Variants in GDAP2 observed in about 807,000 individuals in gnomAD.
GDAP2 encodes ganglioside induced differentiation associated protein 2.
GDAP2 carries 51 observed loss-of-function variants against 67.0 expected under a neutral mutation model. The observed-to-expected ratio is 0.76, with a 90% CI of 0.61 to 0.96. The LOEUF is 0.96. Ranked by LOEUF, GDAP2 falls within the 40% of genes least tolerant of loss-of-function variation. The pLI is 0.00. For synonymous variants in GDAP2, 203 were observed against 207.3 expected (o/e 0.98, Z 0.18); for missense variants, 547 against 588.3 (o/e 0.93, Z 0.73).
In GDAP2 at chr1:117,867,176, T is replaced by C. The variant is rs1352973238; in HGVS notation, c.*3393A>G. ...ATAAAGACAAGACTAAACCTACAGT[T>C]TGAATTCATTAAACAATATCCAAGC... On this transcript the variant is annotated 3_prime_UTR_variant, in exon 14 of 14. Transcript: ENST00000369443. 2.0e-5 allele frequency: 3 copies of C among 152,128 alleles called. No homozygotes were observed. The highest frequency in any genetic ancestry group is 7.2e-5 in the African/African-American group (3 of 41,420). The allele number at this position is 152,128 out of a possible 1,614,324, so 9.4% of individuals were successfully genotyped here.
intron 7 of GDAP2, among the ~76,000 whole-genome samples, chr1:117,898,110 G>A (rs1489033384): frequency 6.6e-6 from 1 of 152,122 alleles, no homozygotes; most frequent in Non-Finnish European, 1.5e-5. Flanking sequence ...AAATTAATTA[G>A]TCTTATCTAC....
chr1:117,904,431 G>GCAA (rs1281256960), intron 6 of GDAP2, among the ~76,000 whole-genome samples: 2 of 152,140 alleles, frequency 1.3e-5, no homozygotes, highest in Non-Finnish European at 2.9e-5. Context: ...TTATGTTTGT[G>GCAA]CAACAGTATT....
chr1:117,873,099 T>A (rs1476916603), intron 13 of GDAP2, among the ~76,000 whole-genome samples: 1 of 152,208 alleles, frequency 6.6e-6, no homozygotes, highest in Non-Finnish European at 1.5e-5. Flanking sequence ...CTTAATGCCA[T>A]GAAATAGAAT....
chr1:117,880,313 A>G (rs1345602943), intron 12 of GDAP2, among the ~76,000 whole-genome samples: 2 of 152,186 alleles, frequency 1.3e-5, no homozygotes, highest in Non-Finnish European at 2.9e-5. Context: ...AGGAGAAGTG[A>G]TCAACTGTGT....
intron 8 of GDAP2, among the ~76,000 whole-genome samples, chr1:117,890,198 G>A (rs1431379836): frequency 6.6e-6 from 1 of 152,068 alleles, no homozygotes; most frequent in Admixed American, 6.6e-5. Flanking sequence ...GAGGTGGGGT[G>A]AGAAGGAGCA....
chr1:117,883,841 T>C (rs1485171392), intron 10 of GDAP2, among the ~76,000 whole-genome samples: 3 of 152,162 alleles, frequency 2.0e-5, no homozygotes, highest in Non-Finnish European at 4.4e-5. Context: ...TTCTCATAAG[T>C]GCTACAGTAC....
At chr1:117,904,388 C>G (rs1056348785) in intron 6 of GDAP2, among the ~76,000 whole-genome samples, 1 of 152,204 alleles carries the variant, frequency 6.6e-6, no homozygotes, top group Non-Finnish European at 1.5e-5. Context: ...TCTCATTTTA[C>G]TAAGAGGATG....
chr1:117,899,303 A>T, intron 6 of GDAP2, 87 bp from the exon 7 acceptor site: 1 of 840,848 alleles, frequency 1.2e-6, no homozygotes, highest in Non-Finnish European at 2.0e-6. Context: ...ATACACTGTG[A>T]AGACAACCTC....
intron 10 of GDAP2, among the ~76,000 whole-genome samples, chr1:117,884,842 G>GTGTA (rs1648792875): frequency 6.6e-6 from 1 of 150,834 alleles, no homozygotes; most frequent in Non-Finnish European, 1.5e-5. Flanking sequence ...GTGTGTGTGT[G>GTGTA]TGTTCTGTTT....
intron 8 of GDAP2, among the ~76,000 whole-genome samples, chr1:117,894,809 C>T (rs1466032631): frequency 2.0e-5 from 3 of 152,096 alleles, no homozygotes; most frequent in African/African-American, 7.2e-5. Flanking sequence ...AAATAATCAA[C>T]AGTATTTGTT....
In GDAP2 at chr1:117,868,196, T is replaced by TCAAGGTC. The variant is rs1648139629; in HGVS notation, c.*2372_*2373insGACCTTG. The TCAAGGTC allele has an allele frequency of 6.6e-6, 1 of 152,224 alleles. No homozygotes were observed. The highest frequency in any genetic ancestry group is 6.5e-5 in the Admixed American group (1 of 15,284). 9.4% of individuals were successfully genotyped at this position (152,224 alleles called of 1,614,324 possible). The stretch of plus-strand genomic sequence containing the variant: ...AATCATTTCAATATCAAGGTCATTA[T>TCAAGGTC]ATTTCTCCTCTAGGATTTGGTACTT... On this transcript the variant is annotated 3_prime_UTR_variant, in exon 14 of 14. Transcript: ENST00000369443.
chr1:117,919,004 A>G (rs1273101900), intron 2 of GDAP2, among the ~76,000 whole-genome samples: 1 of 152,244 alleles, frequency 6.6e-6, no homozygotes, highest in African/African-American at 2.4e-5. Context: ...GAGTGGAAAC[A>G]ATCCAAATAT....
At chr1:117,879,469 GATA>G (rs1356389843) in intron 12 of GDAP2, among the ~76,000 whole-genome samples, 1 of 152,022 alleles carries the variant, frequency 6.6e-6, no homozygotes, top group Non-Finnish European at 1.5e-5. Context: ...GCCTAAGAAT[GATA>G]ATGATGATGA....
At chr1:117,917,620 C>T (rs1650095751) in intron 3 of GDAP2, among the ~76,000 whole-genome samples, 1 of 152,172 alleles carries the variant, frequency 6.6e-6, no homozygotes, top group Non-Finnish European at 1.5e-5. Context: ...AGTCTTAAGT[C>T]ACACAGTTAT....
intron 3 of GDAP2, among the ~76,000 whole-genome samples, chr1:117,915,422 T>C (rs2101159362): frequency 6.6e-6 from 1 of 152,268 alleles, no homozygotes; most frequent in South Asian, 2.1e-4. Context: ...AGATGCAATG[T>C]CTGGTCCTGG....
intron 8 of GDAP2, among the ~76,000 whole-genome samples, chr1:117,890,263 C>G (rs760694397): frequency 4.6e-5 from 7 of 151,954 alleles, no homozygotes; most frequent in Non-Finnish European, 8.8e-5. Context: ...TTCTTTGTAT[C>G]CCCAAAGACT....
intron 2 of GDAP2, among the ~76,000 whole-genome samples, chr1:117,919,547 G>T (rs574964427): frequency 6.6e-6 from 1 of 152,148 alleles, no homozygotes; most frequent in East Asian, 1.9e-4. Flanking sequence ...TGCCCAGAGG[G>T]ATTAAGGAAA....
intron 8 of GDAP2, among the ~76,000 whole-genome samples, chr1:117,894,315 T>C (rs1322939439): frequency 6.6e-6 from 1 of 152,124 alleles, no homozygotes; most frequent in Non-Finnish European, 1.5e-5. Context: ...AAAGAGATCC[T>C]GAAATGCCTT....
At chr1:117,904,281 G>A (rs2101145453) in intron 6 of GDAP2, among the ~76,000 whole-genome samples, 1 of 152,220 alleles carries the variant, frequency 6.6e-6, no homozygotes, top group Non-Finnish European at 1.5e-5. Flanking sequence ...GAGCCATTGT[G>A]TCTTTCTAAG....
Sources: gnomAD v4.1 joint callset for allele counts (sites outside exome capture counted in the v4.1 genomes callset) on GRCh38, gnomAD v4.1.1 for gene constraint, MANE v1.5 for transcripts, NCBI Gene and HGNC (gene_info 2026-07-23, HGNC 2026-07-21) for gene names.